The following AIDA variants were observed in gnomAD, a reference collection of about 807,000 sequenced individuals.
AIDA encodes axin interactor, dorsalization-associated protein.
In AIDA, 18 loss-of-function variants were observed where a neutral mutation model predicts 42.7. The observed-to-expected ratio is 0.42, with a 90% CI of 0.29 to 0.63. AIDA has a LOEUF of 0.63. Ranked by LOEUF, AIDA falls within the 20% of genes least tolerant of loss-of-function variation. The pLI, the probability that AIDA is intolerant of heterozygous loss-of-function variation, is 0.19. For synonymous variants in AIDA, 104 were observed against 122.9 expected (o/e 0.85, Z 1.02); for missense variants, 250 against 354.1 (o/e 0.71, Z 2.36).
chr1:222,673,981 G>A (rs1326315454), intron 7 of AIDA, among the ~76,000 whole-genome samples: 1 of 151,796 alleles, frequency 6.6e-6, no homozygotes, highest in East Asian at 1.9e-4. Context: ...CAGCTACTTG[G>A]GAGGCTGAGG....
chr1:222,674,253 G>A (rs1464722690), intron 7 of AIDA, among the ~76,000 whole-genome samples: 1 of 152,130 alleles, frequency 6.6e-6, no homozygotes, highest in African/African-American at 2.4e-5. Context: ...TGTGGAGGGG[G>A]CTGAGTGAGG....
chr1:222,691,394 T>C (rs915886208), intron 4 of AIDA, among the ~76,000 whole-genome samples: 1 of 152,220 alleles, frequency 6.6e-6, no homozygotes, highest in African/African-American at 2.4e-5. Flanking sequence ...ATAGCCACTC[T>C]GAATCTCAGT....
At chr1:222,709,931 A>C (rs141990554) in intron 1 of AIDA, among the ~76,000 whole-genome samples, 13 of 152,264 alleles carry the variant, frequency 8.5e-5, no homozygotes, top group East Asian at 1.9e-4. Flanking sequence ...GATATGCACT[A>C]TCTCTCCCCC....
At chr1:222,698,448 ATTTT>A (rs36041357) in intron 2 of AIDA, among the ~76,000 whole-genome samples, 1 of 127,372 alleles carries the variant, frequency 7.9e-6, no homozygotes, top group Non-Finnish European at 1.7e-5. Flanking sequence ...TTATTCATCA[ATTTT>A]TTTTTTTTTT....
rs1553294425 is a variant in AIDA, at chr1:222,689,567, ATG to A, written c.290-1911_290-1910del. On this transcript the variant is annotated intron_variant, in intron 4 of 9. Coordinates refer to ENST00000340020, the MANE Select transcript of AIDA (RefSeq NM_022831.4). ...TATATATACATATATATGTATATAT[ATG>A]TATATATATATACACACACACACAC... is the stretch of plus-strand genomic sequence containing the variant. Among the ~76,000 whole-genome samples the A allele has an allele frequency of 1.2e-4, 8 of 67,470 alleles. No individual in the cohort carries two copies. In the East Asian group the frequency reaches 1.3e-3, roughly 11 times the overall value. 44.3% of individuals were successfully genotyped at this position (67,470 alleles called of 152,430 possible).
At position 222,676,175 on chromosome 1, in the gene AIDA, T is replaced by G; in HGVS notation, c.504A>C (p.Leu168Phe). 6.2e-7 allele frequency: 1 copy of G among 1,613,018 alleles called. No homozygotes were observed. Among genetic ancestry groups the G allele is most frequent in the Non-Finnish European group, 8.5e-7 (1 of 1,179,572 alleles). ...CAATTTTCTCAATTCTGATAGTGAG[T>G]AATGTCATTCCTGGTTCCGATGGCA... Reference protein sequence around the residue: ...PRLPSEPGMTLLTIRIEKIGL... With the variant: ...PRLPSEPGMTFLTIRIEKIGL... Residue 168 changes from leucine (L) to phenylalanine (F), a missense_variant, in exon 7 of 10, where the codon TTA becomes TTC. Physicochemically the swap from Leu to Phe is conservative, Grantham distance 22. Transcript: ENST00000340020.
At chr1:222,698,622 T>C (rs1477859623) in intron 2 of AIDA, among the ~76,000 whole-genome samples, 1 of 152,006 alleles carries the variant, frequency 6.6e-6, no homozygotes, top group Non-Finnish European at 1.5e-5. Context: ...CAGCTAATTT[T>C]GTATTTTTAG....
chr1:222,708,431 G>A (rs113197525), intron 1 of AIDA, among the ~76,000 whole-genome samples: 23 of 149,378 alleles, frequency 1.5e-4, no homozygotes, highest in African/African-American at 4.4e-4. Context: ...GCAGTGGCAC[G>A]ATCTCCCCTC....
intron 4 of AIDA, among the ~76,000 whole-genome samples, chr1:222,690,434 C>T (rs898739333): frequency 1.1e-4 from 17 of 152,116 alleles, no homozygotes; most frequent in African/African-American, 3.9e-4. Context: ...CTTATGGGTG[C>T]CCAGTAACTA....
intron 1 of AIDA, among the ~76,000 whole-genome samples, chr1:222,710,967 A>T (rs1334606918): frequency 6.6e-6 from 1 of 152,178 alleles, no homozygotes. Context: ...CAAAGTCAGT[A>T]CCTACACATT....
rs1383058168 is a variant in AIDA, at chr1:222,676,124, G to A, written c.555C>T (p.Ile185=). ...KIGLKDAGQC[I]DPYITVSVKD... is the part of the protein sequence containing the mutation. The stretch of plus-strand genomic sequence containing the variant: ...TTACACTAACTGTAATATAGGGATC[G>A]ATGCACTGCCCAGCATCTTTCAAAC... The change falls in exon 7 of 10, where the codon ATC becomes ATT. Residue 185 remains isoleucine (I), a synonymous_variant. Transcript: ENST00000340020. 8 of 1,610,836 alleles carry A rather than the reference G, an allele frequency of 5.0e-6. No individual in the cohort carries two copies. Among genetic ancestry groups the A allele is most frequent in the South Asian group, 2.2e-5 (2 of 90,380 alleles).
intron 8 of AIDA, among the ~76,000 whole-genome samples, chr1:222,672,696 CACTTCAAAAGGG>C: frequency 6.6e-6 from 1 of 152,336 alleles, no homozygotes; most frequent in East Asian, 1.9e-4. Context: ...CCGAGGCAAT[CACTTCAAAAGGG>C]ACTTGAATAT....
At chr1:222,683,933 C>T (rs535330135) in intron 6 of AIDA, among the ~76,000 whole-genome samples, 8 of 151,732 alleles carry the variant, frequency 5.3e-5, no homozygotes, top group South Asian at 4.2e-4. Flanking sequence ...TTTTTATTTT[C>T]ATGAAAGGCT....
chr1:222,671,942 C>T (rs1664456627), intron 8 of AIDA, among the ~76,000 whole-genome samples: 1 of 152,190 alleles, frequency 6.6e-6, no homozygotes, highest in Non-Finnish European at 1.5e-5. Flanking sequence ...AAATATGTTA[C>T]CATCATTTTG....
chr1:222,678,873 T>A (rs994923188), intron 6 of AIDA, among the ~76,000 whole-genome samples: 2 of 152,238 alleles, frequency 1.3e-5, no homozygotes, highest in African/African-American at 4.8e-5. Flanking sequence ...TCAGTCCTTT[T>A]TTCGTTCACT....
At position 222,668,160 on chromosome 1, in the gene AIDA, C is replaced by A. The variant is rs1408407974; in HGVS notation, c.*1733G>T. On this transcript the variant is annotated 3_prime_UTR_variant, in exon 10 of 10. Transcript: ENST00000340020. ...TGAGAAAAGAGAAAAAATAATACAT[C>A]GGTTTTGCTACACTTTAATGGGTTT... 3 of 151,210 alleles carry A rather than the reference C, an allele frequency of 2.0e-5. No individual in the cohort carries two copies. Among genetic ancestry groups the A allele is most frequent in the Admixed American group, 6.6e-5 (1 of 15,194 alleles). 9.4% of individuals were successfully genotyped at this position (151,210 alleles called of 1,614,324 possible). A position where few individuals can be genotyped will look rare whatever the true frequency, so the allele number is the denominator to read the frequency against.
intron 1 of AIDA, among the ~76,000 whole-genome samples, chr1:222,706,830 G>C (rs1388825453): frequency 1.4e-5 from 2 of 144,684 alleles, no homozygotes; most frequent in African/African-American, 5.4e-5. Context: ...ACTCCGCCCA[G>C]GGTAACAGAG....
At chr1:222,681,733 G>T (rs1558209300) in intron 6 of AIDA, among the ~76,000 whole-genome samples, 2 of 152,206 alleles carry the variant, frequency 1.3e-5, no homozygotes, top group African/African-American at 4.8e-5. Flanking sequence ...CAGGCTCTCA[G>T]AAGAGTGTGT....
chr1:222,695,533 G>A (rs899922262), intron 2 of AIDA, among the ~76,000 whole-genome samples: 2 of 152,122 alleles, frequency 1.3e-5, no homozygotes, highest in African/African-American at 4.8e-5. Flanking sequence ...TACATAGGTT[G>A]AAGTAGGAAA....
Sources: gnomAD v4.1 joint callset for allele counts (sites outside exome capture counted in the v4.1 genomes callset) on GRCh38, gnomAD v4.1.1 for gene constraint, MANE v1.5 for transcripts, NCBI Gene and HGNC (gene_info 2026-07-23, HGNC 2026-07-21) for gene names.